CTNNA2: variants seen among roughly 807,000 people sequenced by gnomAD.
CTNNA2 encodes the protein catenin alpha 2.
CTNNA2 carries 42 observed loss-of-function variants against 101.0 expected under a neutral mutation model. The ratio of observed to expected loss-of-function variants is 0.42; its 90% CI spans 0.32 to 0.54. The LOEUF (loss-of-function observed/expected upper bound fraction) is 0.54. Ranked by LOEUF, CTNNA2 falls within the 20% of genes least tolerant of loss-of-function variation. The pLI is 0.14. For missense variants in CTNNA2, 871 were observed against 1,223.1 expected, an observed-to-expected ratio of 0.71 and a Z score of 4.29; for synonymous variants, 450 against 456.4, an observed-to-expected ratio of 0.99 and a Z score of 0.18.
chr2:79,296,963 T>C (rs577706503), intron 2 of CTNNA2, among the ~76,000 whole-genome samples: 34 of 152,296 alleles, frequency 2.2e-4, no homozygotes, highest in Admixed American at 5.9e-4. Flanking sequence ...GCATTCCTGC[T>C]GAGCATTGCT....
At chr2:79,986,074 T>G (rs1691739409) in intron 7 of CTNNA2, among the ~76,000 whole-genome samples, 1 of 152,176 alleles carries the variant, frequency 6.6e-6, no homozygotes, top group Admixed American at 6.5e-5. Flanking sequence ...ATATTTTGAC[T>G]CTATGAGGGA....
At chr2:79,867,865 C>T (rs1424962895) in intron 4 of CTNNA2, among the ~76,000 whole-genome samples, 1 of 152,112 alleles carries the variant, frequency 6.6e-6, no homozygotes, top group Non-Finnish European at 1.5e-5. Flanking sequence ...AGATTTACAT[C>T]TCAAATAAGC....
At chr2:79,347,413 A>T (rs138783602) in intron 3 of CTNNA2, among the ~76,000 whole-genome samples, 307 of 152,280 alleles carry the variant, frequency 2.0e-3, no homozygotes, top group African/African-American at 7.3e-3. Flanking sequence ...TAATAATAGT[A>T]CTTTACTTAA....
intron 1 of CTNNA2, among the ~76,000 whole-genome samples, chr2:79,593,994 T>A (rs1298341430): frequency 2.0e-5 from 3 of 147,200 alleles, no homozygotes; most frequent in Non-Finnish European, 4.5e-5. Context: ...GTTCAAGCAA[T>A]TCCTACACCT....
At chr2:79,787,440 T>G (rs1234833657) in intron 3 of CTNNA2, among the ~76,000 whole-genome samples, 1 of 152,126 alleles carries the variant, frequency 6.6e-6, no homozygotes, top group African/African-American at 2.4e-5. Context: ...GTGTTGTTCA[T>G]AAAAGATGAA....
At chr2:79,956,970 T>A (rs542001131) in intron 7 of CTNNA2, among the ~76,000 whole-genome samples, 137 of 149,738 alleles carry the variant, frequency 9.1e-4, no homozygotes, top group Non-Finnish European at 1.6e-3. Context: ...AATCAGAGAA[T>A]TCCATGGAGA....
intron 7 of CTNNA2, among the ~76,000 whole-genome samples, chr2:79,934,489 G>T (rs1219683066): frequency 3.3e-5 from 5 of 152,324 alleles, no homozygotes; most frequent in South Asian, 2.1e-4. Context: ...TATGATTGGG[G>T]TCAGAAGAGC....
intron 7 of CTNNA2, among the ~76,000 whole-genome samples, chr2:80,036,873 GAGAGAA>G (rs775120542): frequency 6.8e-6 from 1 of 146,942 alleles, no homozygotes; most frequent in East Asian, 2.0e-4. Context: ...GAGAGAGAGA[GAGAGAA>G]GAGGAAGGAG....
At chr2:79,559,192 G>A (rs1280908717) in intron 1 of CTNNA2, among the ~76,000 whole-genome samples, 1 of 151,882 alleles carries the variant, frequency 6.6e-6, no homozygotes, top group Non-Finnish European at 1.5e-5. Flanking sequence ...GCATTACCGG[G>A]TAAAAAGAAA....
intron 1 of CTNNA2, among the ~76,000 whole-genome samples, chr2:79,644,793 CCT>C (rs771611564): frequency 6.6e-6 from 1 of 152,116 alleles, no homozygotes; most frequent in Non-Finnish European, 1.5e-5. Context: ...CTTGCCTGTT[CCT>C]CTCTCATTCT....
chr2:79,494,983 G>C (rs1007393923), intron 4 of CTNNA2, among the ~76,000 whole-genome samples: 1 of 152,000 alleles, frequency 6.6e-6, no homozygotes, highest in Non-Finnish European at 1.5e-5. Context: ...GGCGCCTGTA[G>C]TCCCAGCTAC....
At chr2:80,179,130 T>C (rs1268243153) in intron 7 of CTNNA2, among the ~76,000 whole-genome samples, 1 of 152,228 alleles carries the variant, frequency 6.6e-6, no homozygotes, top group Non-Finnish European at 1.5e-5. Context: ...TGGTGGGCCT[T>C]ATGAAAAGGA....
chr2:80,453,526 T>C (rs1425785358), intron 9 of CTNNA2, among the ~76,000 whole-genome samples: 1 of 152,100 alleles, frequency 6.6e-6, no homozygotes, highest in Non-Finnish European at 1.5e-5. Context: ...ATGTGTGTGA[T>C]TCGCTCACGT....
chr2:79,567,626 T>C (rs897216896), intron 1 of CTNNA2, among the ~76,000 whole-genome samples: 1 of 152,020 alleles, frequency 6.6e-6, no homozygotes, highest in African/African-American at 2.4e-5. Context: ...TCCTCTTTAT[T>C]CTGGTTTGAT....
At chr2:80,485,317 T>C (rs923181455) in intron 9 of CTNNA2, among the ~76,000 whole-genome samples, 2 of 152,176 alleles carry the variant, frequency 1.3e-5, no homozygotes, top group Admixed American at 6.5e-5. Flanking sequence ...GGAAAAAAAA[T>C]ACCTTTACTC....
chr2:80,647,751 A>T lies in CTNNA2; in HGVS notation c.2741A>T (p.Lys914Met). 1 of 1,613,632 alleles carries T rather than the reference A, an allele frequency of 6.2e-7. No individual in the cohort carries two copies. Among genetic ancestry groups the T allele is most frequent in the South Asian group, 1.1e-5 (1 of 91,070 alleles). ...VSWKMKAPEK[K>M]PLVKREKPEE... ...TGGAAGATGAAGGCTCCAGAGAAGA[A>T]GCCCCTTGTGAAGAGAGAAAAGCCT... Residue 914 changes from lysine to methionine, a missense_variant, in exon 19 of 19, where the codon AAG becomes ATG. Lys to Met is a moderately conservative substitution (Grantham distance 95). This residue lies in a region of CTNNA2 where 25 missense variants were observed against 69.5 expected (regional missense o/e 0.36). Coordinates refer to ENST00000402739, the MANE Select transcript of CTNNA2 (RefSeq NM_001282597.3).
At chr2:79,797,905 T>C (rs1360127084) in intron 3 of CTNNA2, among the ~76,000 whole-genome samples, 2 of 152,116 alleles carry the variant, frequency 1.3e-5, no homozygotes, top group African/African-American at 2.4e-5. Flanking sequence ...CATTATTTCT[T>C]AATTTTTTTT....
intron 1 of CTNNA2, among the ~76,000 whole-genome samples, chr2:79,625,798 C>T (rs915211821): frequency 6.6e-6 from 1 of 152,196 alleles, no homozygotes; most frequent in African/African-American, 2.4e-5. Flanking sequence ...TGACAACAAT[C>T]ATAAACCTGC....
At chr2:80,310,600 T>C (rs894081677) in intron 7 of CTNNA2, among the ~76,000 whole-genome samples, 7 of 152,216 alleles carry the variant, frequency 4.6e-5, no homozygotes, top group African/African-American at 1.4e-4. Context: ...ATTAGGGTTG[T>C]CTTTCTGGGA....
Sources: allele counts gnomAD v4.1 joint callset (sites outside exome capture counted in the v4.1 genomes callset), GRCh38; gene constraint gnomAD v4.1.1; regional missense constraint gnomAD v4.1.1; transcripts MANE v1.5; gene names NCBI Gene and HGNC (gene_info 2026-07-23, HGNC 2026-07-21).